The following CDK8 variants were observed in gnomAD, a reference collection of about 807,000 sequenced individuals.
CDK8 encodes the protein cyclin dependent kinase 8.
CDK8 carries 29 observed loss-of-function variants against 71.5 expected under a neutral mutation model. The ratio of observed to expected loss-of-function variants is 0.41; its 90% CI spans 0.30 to 0.55. The LOEUF is 0.55. Ranked by LOEUF, CDK8 falls within the 20% of genes least tolerant of loss-of-function variation. The pLI is 0.37. For missense variants in CDK8, 288 were observed against 572.6 expected, an observed-to-expected ratio of 0.50 and a Z score of 5.07; for synonymous variants, 161 against 192.1, an observed-to-expected ratio of 0.84 and a Z score of 1.34.
At chr13:26,277,939 G>T (rs1297549872) in intron 1 of CDK8, among the ~76,000 whole-genome samples, 2 of 152,152 alleles carry the variant, frequency 1.3e-5, no homozygotes, top group Admixed American at 1.3e-4. Flanking sequence ...CGTAGAATAG[G>T]GACACAACTG....
intron 3 of CDK8, among the ~76,000 whole-genome samples, chr13:26,353,210 A>C (rs151177530): frequency 2.6e-5 from 4 of 152,286 alleles, no homozygotes; most frequent in African/African-American, 7.2e-5. Context: ...GGTACAAGGC[A>C]GTTTTTATTT....
At chr13:26,270,182 G>A (rs1252601348) in intron 1 of CDK8, among the ~76,000 whole-genome samples, 1 of 152,022 alleles carries the variant, frequency 6.6e-6, no homozygotes, top group African/African-American at 2.4e-5. Flanking sequence ...CTGAGGTCAG[G>A]AGTTTGAGAC....
intron 8 of CDK8, 99 bp downstream of exon 8, chr13:26,396,453 T>C (rs924980523): frequency 4.9e-6 from 2 of 406,206 alleles, no homozygotes; most frequent in African/African-American, 4.1e-5. Context: ...CAATATAAGA[T>C]TACTCTAATA....
chr13:26,269,210 A>G (rs1872180170), intron 1 of CDK8, among the ~76,000 whole-genome samples: 1 of 152,256 alleles, frequency 6.6e-6, no homozygotes, highest in African/African-American at 2.4e-5. Flanking sequence ...ACTTTTAAGT[A>G]CTGCTAAACA....
chr13:26,386,704 T>G (rs1407476718), intron 6 of CDK8, among the ~76,000 whole-genome samples: 2 of 152,246 alleles, frequency 1.3e-5, no homozygotes, highest in Non-Finnish European at 2.9e-5. Flanking sequence ...GGTATCATAC[T>G]TGCTAGCTTG....
intron 4 of CDK8, among the ~76,000 whole-genome samples, chr13:26,362,664 T>G (rs1874201384): frequency 6.6e-6 from 1 of 152,156 alleles, no homozygotes; most frequent in South Asian, 2.1e-4. Flanking sequence ...TCTTTCCACT[T>G]TAGTCTACTG....
chr13:26,262,660 A>AT (rs1200649888), intron 1 of CDK8, among the ~76,000 whole-genome samples: 2 of 152,200 alleles, frequency 1.3e-5, no homozygotes, highest in East Asian at 3.9e-4. Context: ...TAGAAATAAT[A>AT]TTTTTTTGAA....
At chr13:26,293,177 T>C (rs7987737) in intron 1 of CDK8, among the ~76,000 whole-genome samples, 16,478 of 152,272 alleles carry the variant, frequency 0.11, 2,639 homozygotes, top group African/African-American at 0.35. Flanking sequence ...AAACCTTGTA[T>C]TTAATTTTTA....
intron 1 of CDK8, among the ~76,000 whole-genome samples, chr13:26,285,624 A>G (rs564125434): frequency 1.3e-5 from 2 of 152,312 alleles, no homozygotes; most frequent in East Asian, 3.9e-4. Flanking sequence ...TCGACATTGT[A>G]CTAGAAGTCC....
intron 1 of CDK8, among the ~76,000 whole-genome samples, chr13:26,306,145 A>G (rs959376395): frequency 6.6e-6 from 1 of 152,192 alleles, no homozygotes; most frequent in African/African-American, 2.4e-5. Context: ...TGCAGTCCCT[A>G]CCAGAGTCAG....
Position 26,404,825 on chromosome 13 carries a change from C to A in CDK8, c.*744C>A, listed in dbSNP as rs1301500319. The A allele has an allele frequency of 4.6e-6, 1 of 216,350 alleles. No homozygotes were observed. The highest frequency in any genetic ancestry group is 9.3e-6 in the Non-Finnish European group (1 of 107,698). 13.4% of individuals were successfully genotyped at this position (216,350 alleles called of 1,614,324 possible). A position where few individuals can be genotyped will look rare whatever the true frequency, so the allele number is the denominator to read the frequency against. On this transcript the variant is annotated 3_prime_UTR_variant, in exon 13 of 13. Coordinates refer to ENST00000381527, the MANE Select transcript of CDK8 (RefSeq NM_001260.3). ...ATATAAACCTGTTTGGTTCAGCAAA[C>A]AAACTAAAATGATTGTCATAGACAG...
chr13:26,266,958 A>T (rs1220645437), intron 1 of CDK8, among the ~76,000 whole-genome samples: 1 of 152,128 alleles, frequency 6.6e-6, no homozygotes, highest in Non-Finnish European at 1.5e-5. Context: ...TAAAACCCTA[A>T]CTCTATAATT....
intron 4 of CDK8, among the ~76,000 whole-genome samples, chr13:26,358,296 C>T (rs2138006332): frequency 6.6e-6 from 1 of 151,478 alleles, no homozygotes; most frequent in East Asian, 1.9e-4. Flanking sequence ...AAGACTCCGT[C>T]TCAAAAAAAA....
At chr13:26,286,950 G>A (rs1402468199) in intron 1 of CDK8, among the ~76,000 whole-genome samples, 1 of 152,160 alleles carries the variant, frequency 6.6e-6, no homozygotes, top group Non-Finnish European at 1.5e-5. Context: ...ACCATAAGGA[G>A]ATACCACCTT....
intron 4 of CDK8, among the ~76,000 whole-genome samples, chr13:26,378,337 C>G (rs1430704828): frequency 6.6e-6 from 1 of 152,178 alleles, no homozygotes. Flanking sequence ...TCCAGCATGA[C>G]ATGCTGGAGA....
chr13:26,256,116 C>T (rs1305190521), intron 1 of CDK8, among the ~76,000 whole-genome samples: 15 of 152,124 alleles, frequency 9.9e-5, no homozygotes, highest in Non-Finnish European at 2.9e-5. Context: ...AACAGATCGG[C>T]AGAAGGTAGG....
At chr13:26,389,948 A>C (rs1289382279) in intron 6 of CDK8, among the ~76,000 whole-genome samples, 1 of 152,140 alleles carries the variant, frequency 6.6e-6, no homozygotes, top group African/African-American at 2.4e-5. Context: ...CAGTGAGCAG[A>C]GATCACGCTA....
rs569737432 is a variant in CDK8, at chr13:26,345,015, G to A, written c.205-4057G>A. ...GCTAGACTTGTATGAGACTGGCAGCGTGATACATGTATGTATACCAGCATC... is the reference window on the plus strand; with the variant it reads ...GCTAGACTTGTATGAGACTGGCAGCATGATACATGTATGTATACCAGCATC... On this transcript the variant is annotated intron_variant, in intron 2 of 12. Transcript: ENST00000381527. Among the ~76,000 whole-genome samples the A allele has an allele frequency of 7.2e-5, 11 of 152,272 alleles. No homozygotes were observed. The South Asian group carries it at 1.7e-3, about 23-fold the overall frequency.
chr13:26,401,444 T>A lies in CDK8; in HGVS notation c.1111-22T>A, dbSNP rs776170655. ...ATTTTGTTCTCCCTCTGAGCTGAAC[T>A]TTTTCTGTTTAACCAATTGAGAAGA... On this transcript the variant is annotated intron_variant, in intron 11 of 12. Coordinates refer to ENST00000381527, the MANE Select transcript of CDK8 (RefSeq NM_001260.3). The surrounding 1 kb of genome is among the most constrained non-coding windows in gnomAD (Gnocchi z 4.5). 1 of 1,614,070 alleles carries A rather than the reference T, an allele frequency of 6.2e-7. No individual in the cohort carries two copies. The highest frequency in any genetic ancestry group is 1.7e-5 in the Admixed American group (1 of 60,020).
Sources: gnomAD v4.1 joint callset for allele counts (sites outside exome capture counted in the v4.1 genomes callset) on GRCh38, gnomAD v4.1.1 for gene constraint, Gnocchi (gnomAD v3.1) non-coding constraint, MANE v1.5 for transcripts, NCBI Gene and HGNC (gene_info 2026-07-23, HGNC 2026-07-21) for gene names.